FBN2: variants seen among roughly 807,000 people sequenced by gnomAD.
FBN2 encodes the protein fibrillin-2.
In FBN2, 105 loss-of-function variants were observed where a neutral mutation model predicts 355.6. The ratio of observed to expected loss-of-function variants is 0.30; its 90% CI spans 0.25 to 0.35. The LOEUF is 0.35. FBN2 is among the 10% of genes least tolerant of loss of function. The pLI is 1.00. For missense variants in FBN2, 3,280 were observed against 3,758.7 expected, an observed-to-expected ratio of 0.87 and a Z score of 3.33; for synonymous variants, 1,350 against 1,301.2, an observed-to-expected ratio of 1.04 and a Z score of -0.81.
intron 5 of FBN2, among the ~76,000 whole-genome samples, chr5:128,509,539 C>A (rs766192858): frequency 2.1e-4 from 32 of 152,202 alleles, no homozygotes; most frequent in Non-Finnish European, 4.4e-4. Flanking sequence ...ATTCTAACAT[C>A]TTTGTCAGTT....
intron 15 of FBN2, among the ~76,000 whole-genome samples, chr5:128,370,097 T>G (rs1001240611): frequency 3.3e-5 from 5 of 152,190 alleles, no homozygotes; most frequent in African/African-American, 1.2e-4. Flanking sequence ...CTTCTAAAAC[T>G]CTTCCTCTTT....
At chr5:128,529,414 A>G (rs911193561) in intron 3 of FBN2, among the ~76,000 whole-genome samples, 1 of 152,196 alleles carries the variant, frequency 6.6e-6, no homozygotes, top group African/African-American at 2.4e-5. Context: ...TTTCAAGAAG[A>G]TAATGATTAA....
At chr5:128,501,569 G>A (rs540560729) in intron 5 of FBN2, among the ~76,000 whole-genome samples, 21 of 152,044 alleles carry the variant, frequency 1.4e-4, no homozygotes, top group Non-Finnish European at 2.6e-4. Flanking sequence ...TGCATTGTAG[G>A]AAAAAATAAT....
intron 20 of FBN2, among the ~76,000 whole-genome samples, chr5:128,352,822 A>G (rs1004441631): frequency 8.5e-5 from 13 of 152,342 alleles, no homozygotes; most frequent in African/African-American, 2.4e-4. Flanking sequence ...AAAACAAAGA[A>G]TAAGTGTATT....
intron 8 of FBN2, among the ~76,000 whole-genome samples, chr5:128,407,408 T>C (rs373387823): frequency 6.6e-6 from 1 of 152,114 alleles, no homozygotes; most frequent in East Asian, 1.9e-4. Context: ...ATGAAGAATA[T>C]TTTATTGGAC....
chr5:128,293,631 T>A (rs1001943638), intron 48 of FBN2, among the ~76,000 whole-genome samples: 1 of 152,100 alleles, frequency 6.6e-6, no homozygotes, highest in African/African-American at 2.4e-5. Context: ...ATAAAAGCTA[T>A]CCATACTTTC....
intron 39 of FBN2, among the ~76,000 whole-genome samples, chr5:128,310,446 G>T (rs1166061639): frequency 1.5e-5 from 2 of 131,698 alleles, no homozygotes; most frequent in African/African-American, 5.8e-5. Context: ...TCTTCAATTG[G>T]AATTTCTTTA....
At chr5:128,372,605 C>A (rs1751971261) in intron 15 of FBN2, among the ~76,000 whole-genome samples, 1 of 152,132 alleles carries the variant, frequency 6.6e-6, no homozygotes, top group South Asian at 2.1e-4. Context: ...AATCCTCCTG[C>A]CTCAGCCTCC....
chr5:128,272,800 G>A (rs1046402051), intron 61 of FBN2, among the ~76,000 whole-genome samples: 1 of 152,104 alleles, frequency 6.6e-6, no homozygotes, highest in African/African-American at 2.4e-5. Flanking sequence ...TCTGAGGGGT[G>A]TAACAAATTT....
chr5:128,415,958 C>T (rs956851747), intron 7 of FBN2, among the ~76,000 whole-genome samples: 2 of 151,370 alleles, frequency 1.3e-5, no homozygotes, highest in African/African-American at 2.4e-5. Flanking sequence ...ATTAGTAATA[C>T]TGAGCATTTT....
chr5:128,482,384 C>T (rs1755217129), intron 5 of FBN2, among the ~76,000 whole-genome samples: 1 of 152,076 alleles, frequency 6.6e-6, no homozygotes, highest in African/African-American at 2.4e-5. Context: ...CTCACTCTCA[C>T]CTATTCTCTA....
At chr5:128,503,228 C>A (rs1006076100) in intron 5 of FBN2, among the ~76,000 whole-genome samples, 1 of 152,190 alleles carries the variant, frequency 6.6e-6, no homozygotes, top group African/African-American at 2.4e-5. Context: ...GATTATGAGG[C>A]CTCCCAGACA....
In FBN2 at chr5:128,272,132, C is replaced by T. The variant is rs751308498; in HGVS notation, c.7841-14G>A. ...ATTCATCAACATCTGCAAAAACAAG[C>T]CCGGCAAAACCTTTATGTCACCTTT... On this transcript the variant is annotated splice_polypyrimidine_tract_variant and intron_variant, in intron 61 of 64. Coordinates refer to ENST00000262464, the MANE Select transcript of FBN2 (RefSeq NM_001999.4). The T allele has an allele frequency of 6.8e-6, 11 of 1,613,794 alleles. No homozygotes were observed. The highest frequency in any genetic ancestry group is 1.3e-5 in the African/African-American group (1 of 74,986).
intron 34 of FBN2, among the ~76,000 whole-genome samples, chr5:128,324,235 A>C (rs899814185): frequency 3.3e-5 from 5 of 152,074 alleles, no homozygotes; most frequent in African/African-American, 1.2e-4. Flanking sequence ...TTTTCAGAAA[A>C]CCAGCTCCTG....
At chr5:128,509,390 T>C (rs1756051546) in intron 5 of FBN2, among the ~76,000 whole-genome samples, 1 of 152,152 alleles carries the variant, frequency 6.6e-6, no homozygotes, top group South Asian at 2.1e-4. Context: ...AGAAAAATGT[T>C]CACCTCAGAC....
At chr5:128,285,927 A>G (rs1561748177) in intron 55 of FBN2, among the ~76,000 whole-genome samples, 1 of 152,238 alleles carries the variant, frequency 6.6e-6, no homozygotes, top group Non-Finnish European at 1.5e-5. Flanking sequence ...TTTCATTCAA[A>G]TAAATTAAAA....
rs75452544 is a variant in FBN2, at chr5:128,369,798, G to A, written c.2096-464C>T. ...GTGAGATTTCTTACTCCCACTTTCC[G>A]AGTTAGGAGGCCTTTCTTTTCAACC... On this transcript the variant is annotated intron_variant, in intron 15 of 64. Transcript: ENST00000262464. Among the ~76,000 whole-genome samples the A allele has an allele frequency of 6.8e-3, 1,034 of 152,228 alleles. 9 individuals are homozygous for A. Among genetic ancestry groups the A allele is most frequent in the African/African-American group, 0.023 (973 of 41,518 alleles).
chr5:128,484,909 T>C (rs969884422), intron 5 of FBN2, among the ~76,000 whole-genome samples: 9 of 152,220 alleles, frequency 5.9e-5, no homozygotes, highest in Admixed American at 2.0e-4. Flanking sequence ...CCCACGGGCA[T>C]GTGACTGGGA....
chr5:128,316,232 T>C (rs1561766889), intron 36 of FBN2, among the ~76,000 whole-genome samples: 1 of 152,220 alleles, frequency 6.6e-6, no homozygotes, highest in Non-Finnish European at 1.5e-5. Context: ...TGCATGTTAC[T>C]TCTAGGTGAT....
Sources: gnomAD v4.1 joint callset for allele counts (sites outside exome capture counted in the v4.1 genomes callset) on GRCh38, gnomAD v4.1.1 for gene constraint, MANE v1.5 for transcripts, NCBI Gene and HGNC (gene_info 2026-07-23, HGNC 2026-07-21) for gene names.